The following SH3PXD2A variants were observed in gnomAD, a reference collection of about 807,000 sequenced individuals.
The protein encoded by SH3PXD2A is SH3 and PX domain-containing protein 2A.
A neutral mutation model predicts 115.2 loss-of-function variants in SH3PXD2A; 32 were observed. The observed-to-expected ratio is 0.28, with a 90% confidence interval of 0.21 to 0.37. The LOEUF (loss-of-function observed/expected upper bound fraction) is 0.37. SH3PXD2A is among the 10% of genes least tolerant of loss of function. SH3PXD2A has a pLI of 1.00. For synonymous variants in SH3PXD2A, 610 were observed against 629.1 expected (o/e 0.97, Z 0.45); for missense variants, 1,328 against 1,498.7 (o/e 0.89, Z 1.88).
At chr10:103,848,014 G>A (rs1475006098) in intron 1 of SH3PXD2A, among the ~76,000 whole-genome samples, 1 of 151,988 alleles carries the variant, frequency 6.6e-6, no homozygotes. Context: ...AGATGGTTCA[G>A]AAGACACAGA....
At chr10:103,823,409 C>T (rs551774401) in intron 1 of SH3PXD2A, among the ~76,000 whole-genome samples, 35 of 152,332 alleles carry the variant, frequency 2.3e-4, no homozygotes, top group African/African-American at 7.5e-4. Context: ...AACCACTGCC[C>T]TTACAGGGTT....
In SH3PXD2A at chr10:103,597,719, C is replaced by T. The variant is rs1413661505; in HGVS notation, c.*4097G>A. ...CGCCACTGGTATTCCCTCCATTGTC[C>T]CCAATGAGCCCTGGCATCCATCTTG... On this transcript the variant is annotated 3_prime_UTR_variant, in exon 15 of 15. Coordinates refer to ENST00000369774, the MANE Select transcript of SH3PXD2A (RefSeq NM_001394015.1). 1.3e-5 allele frequency: 2 copies of T among 152,662 alleles called. No homozygotes were observed. Among genetic ancestry groups the T allele is most frequent in the African/African-American group, 4.8e-5 (2 of 41,454 alleles). 9.5% of individuals were successfully genotyped at this position (152,662 alleles called of 1,614,324 possible).
chr10:103,692,985 C>T, intron 6 of SH3PXD2A, 43 bp downstream of exon 6: 2 of 1,570,964 alleles, frequency 1.3e-6, no homozygotes, highest in South Asian at 1.1e-5. Context: ...GTGCACGAAG[C>T]GGGAAGGAAG....
chr10:103,799,438 G>A (rs1330029029), intron 2 of SH3PXD2A, among the ~76,000 whole-genome samples: 2 of 152,374 alleles, frequency 1.3e-5, no homozygotes, highest in Admixed American at 6.5e-5. Flanking sequence ...AATGACCCAC[G>A]TGGACAAGCC....
chr10:103,647,781 G>A (rs111318774), intron 8 of SH3PXD2A, among the ~76,000 whole-genome samples: 1 of 152,312 alleles, frequency 6.6e-6, no homozygotes, highest in African/African-American at 2.4e-5. Flanking sequence ...CCCTGGTTCT[G>A]CTCCGGTTAT....
intron 5 of SH3PXD2A, among the ~76,000 whole-genome samples, chr10:103,721,984 G>C (rs7083463): frequency 0.29 from 43,369 of 151,638 alleles, 6,880 homozygotes; most frequent in African/African-American, 0.42. Context: ...CTCCTGTTTT[G>C]TAATCTGTAA....
At chr10:103,819,083 A>G (rs2039351661) in intron 1 of SH3PXD2A, among the ~76,000 whole-genome samples, 1 of 152,224 alleles carries the variant, frequency 6.6e-6, no homozygotes, top group Admixed American at 6.5e-5. Context: ...TACTTGTCTG[A>G]TAAAATTCAG....
rs923908580 is a variant in SH3PXD2A, at chr10:103,627,589, C to G, written c.605-387G>C. ...ATTAGGATGACTGGTTTGCCTGGAGCTTGGCTGCCTTCTCAGCTTTCAAGC... is the reference window on the plus strand; with the variant it reads ...ATTAGGATGACTGGTTTGCCTGGAGGTTGGCTGCCTTCTCAGCTTTCAAGC... On this transcript the variant is annotated intron_variant, in intron 8 of 14. Transcript: ENST00000369774. This position sits in a 1 kb window ranked among gnomAD's most constrained non-coding sequence, Gnocchi z 4.4. Among the ~76,000 whole-genome samples the G allele has an allele frequency of 2.0e-5, 3 of 152,226 alleles. No individual in the cohort carries two copies. Among genetic ancestry groups the G allele is most frequent in the Non-Finnish European group, 4.4e-5 (3 of 68,036 alleles).
rs569964681 is a variant in SH3PXD2A, at chr10:103,852,389, G to A, written c.72+2806C>T. Among the ~76,000 whole-genome samples the A allele has an allele frequency of 2.6e-5, 4 of 152,388 alleles. No homozygotes were observed. The East Asian group carries it at 7.7e-4, about 29-fold the overall frequency. On this transcript the variant is annotated intron_variant, in intron 1 of 14. Coordinates refer to ENST00000369774, the MANE Select transcript of SH3PXD2A (RefSeq NM_001394015.1). ...CTTTGCAGTGTGTTCCCAGCACTCT[G>A]GAGCCAGCAGAGCTCCTCCTGCGTG...
At chr10:103,815,637 T>TC (rs1169397457) in intron 1 of SH3PXD2A, among the ~76,000 whole-genome samples, 1 of 151,776 alleles carries the variant, frequency 6.6e-6, no homozygotes, top group Non-Finnish European at 1.5e-5. Flanking sequence ...ATGCCTCTAA[T>TC]CCCAGCACTC....
chr10:103,696,570 A>C (rs1184831045), intron 5 of SH3PXD2A, among the ~76,000 whole-genome samples: 6 of 152,104 alleles, frequency 3.9e-5, no homozygotes, highest in African/African-American at 7.2e-5. Context: ...TGGTGCTGAC[A>C]GCCCCCACCC....
At position 103,608,807 on chromosome 10, in the gene SH3PXD2A, A is replaced by C. The variant is rs2036377779; in HGVS notation, c.1308+2774T>G. ...TTAATGCAGTAATTTCTAATCTTAC[A>C]TCTCTGGAGGTCTAGTTTTCAGATG... is the stretch of plus-strand genomic sequence containing the variant. On this transcript the variant is annotated intron_variant, in intron 13 of 14. Transcript: ENST00000369774. 3.3e-5 allele frequency: 5 copies of C among 152,200 alleles called. No homozygotes were observed. The South Asian group carries it at 1.0e-3, about 31-fold the overall frequency. 9.4% of individuals were successfully genotyped at this position (152,200 alleles called of 1,614,324 possible).
intron 3 of SH3PXD2A, among the ~76,000 whole-genome samples, chr10:103,762,125 G>T (rs973442513): frequency 2.7e-5 from 4 of 147,652 alleles, no homozygotes; most frequent in Non-Finnish European, 5.9e-5. Context: ...AGGTTCAAGT[G>T]ATTCTCTCAC....
intron 7 of SH3PXD2A, 29 bp downstream of exon 7, chr10:103,668,567 AACACACATGCTC>A: frequency 6.5e-7 from 1 of 1,530,966 alleles, no homozygotes; most frequent in Non-Finnish European, 8.9e-7. Context: ...ACGGACCTGG[AACACACATGCTC>A]ACACACATGC....
At chr10:103,626,070 T>C (rs1015900926) in intron 9 of SH3PXD2A, among the ~76,000 whole-genome samples, 1 of 152,338 alleles carries the variant, frequency 6.6e-6, no homozygotes, top group East Asian at 1.9e-4. Flanking sequence ...AGCCTGAACA[T>C]GCGGGCCCTT....
chr10:103,849,924 A>C (rs1487373028), intron 1 of SH3PXD2A, among the ~76,000 whole-genome samples: 1 of 152,110 alleles, frequency 6.6e-6, no homozygotes, highest in South Asian at 2.1e-4. Context: ...GTATAACTCT[A>C]TTATTTGTTT....
At position 103,634,098 on chromosome 10, in the gene SH3PXD2A, C is replaced by T. The variant is rs12260315; in HGVS notation, c.605-6896G>A. ...GTAGGAGCGGAGGCCAGGCCTGCTC[C>T]GCCCCCGGGAGCTTCCAGCTGCCTG... On this transcript the variant is annotated intron_variant, in intron 8 of 14. Transcript: ENST00000369774. Among the ~76,000 whole-genome samples, 252 of 152,340 alleles carry T rather than the reference C, an allele frequency of 1.7e-3. 2 individuals carry two copies. The highest frequency in any genetic ancestry group is 5.9e-3 in the African/African-American group (244 of 41,582).
At chr10:103,637,732 C>T (rs901697190) in intron 8 of SH3PXD2A, among the ~76,000 whole-genome samples, 6 of 152,126 alleles carry the variant, frequency 3.9e-5, no homozygotes, top group Non-Finnish European at 5.9e-5. Context: ...CAAGTGGCGA[C>T]GGGTGGGGAG....
chr10:103,659,803 C>G (rs1441379200), intron 8 of SH3PXD2A, among the ~76,000 whole-genome samples: 1 of 152,156 alleles, frequency 6.6e-6, no homozygotes, highest in Non-Finnish European at 1.5e-5. Flanking sequence ...CAGCCCTGTT[C>G]TCTGGAGCCA....
Sources: allele counts gnomAD v4.1 joint callset (sites outside exome capture counted in the v4.1 genomes callset), GRCh38; gene constraint gnomAD v4.1.1; non-coding constraint Gnocchi (gnomAD v3.1); transcripts MANE v1.5; gene names NCBI Gene and HGNC (gene_info 2026-07-23, HGNC 2026-07-21).